GLIS3: variants seen among roughly 807,000 people sequenced by gnomAD.
GLIS3 encodes GLIS family zinc finger 3.
Under a neutral mutation model 78.6 loss-of-function variants are expected in GLIS3, and 53 were observed. That is an observed-to-expected ratio of 0.67 (90% CI 0.54 to 0.85). GLIS3 has a LOEUF of 0.85. GLIS3 is among the 40% of genes least tolerant of loss of function. GLIS3 has a pLI of 0.00. For synonymous variants in GLIS3, 684 were observed against 509.9 expected (o/e 1.34, Z -4.60); for missense variants, 1,703 against 1,231.1 (o/e 1.38, Z -5.74).
At chr9:4,384,552 T>C in the GLIS3 span, among the ~76,000 whole-genome samples, 3 of 149,788 alleles carry the variant, frequency 2.0e-5, no homozygotes, top group African/African-American at 4.9e-5. Context: ...TTATATAATA[T>C]ATATAAAACC....
the GLIS3 span, among the ~76,000 whole-genome samples, chr9:4,406,384 G>C: frequency 3.3e-5 from 5 of 152,240 alleles, no homozygotes; most frequent in Admixed American, 6.5e-5. Context: ...GCAATTGTGC[G>C]ATCTTGGCTT....
chr9:4,406,377 A>G, the GLIS3 span, among the ~76,000 whole-genome samples: 25,936 of 152,046 alleles, frequency 0.17, 2,417 homozygotes, highest in Middle Eastern at 0.22. Flanking sequence ...CTGGAGTGCA[A>G]TTGTGCGATC....
chr9:4,471,765 T>G, the GLIS3 span, among the ~76,000 whole-genome samples: 1 of 152,116 alleles, frequency 6.6e-6, no homozygotes, highest in African/African-American at 2.4e-5. Flanking sequence ...TGGGATCTAA[T>G]TAAACTAAAG....
At chr9:3,956,171 T>C (rs1817099563) in intron 4 of GLIS3, among the ~76,000 whole-genome samples, 1 of 152,052 alleles carries the variant, frequency 6.6e-6, no homozygotes, top group Non-Finnish European at 1.5e-5. Flanking sequence ...CATTCTTTAG[T>C]GTACCAGTTG....
the GLIS3 span, among the ~76,000 whole-genome samples, chr9:4,384,936 AT>A: frequency 0.03 from 4,508 of 152,214 alleles, 214 homozygotes; most frequent in African/African-American, 0.1. Flanking sequence ...CATTGTAACG[AT>A]TTTCAACTCA....
chr9:4,051,182 G>C (rs1192607937), intron 4 of GLIS3, among the ~76,000 whole-genome samples: 1 of 152,160 alleles, frequency 6.6e-6, no homozygotes, highest in African/African-American at 2.4e-5. Flanking sequence ...AGCAGACTAA[G>C]CCTCTCTTCT....
At chr9:4,434,888 G>C in the GLIS3 span, among the ~76,000 whole-genome samples, 1 of 152,210 alleles carries the variant, frequency 6.6e-6, no homozygotes, top group Admixed American at 6.5e-5. Flanking sequence ...GTGCTAGAGA[G>C]AGAAATTCAA....
the GLIS3 span, among the ~76,000 whole-genome samples, chr9:4,398,089 A>G: frequency 6.6e-6 from 1 of 152,072 alleles, no homozygotes; most frequent in African/African-American, 2.4e-5. Flanking sequence ...ATCTTCAGTT[A>G]CTATTTCAAT....
intron 9 of GLIS3, among the ~76,000 whole-genome samples, chr9:3,837,062 G>C (rs923697718): frequency 3.9e-5 from 6 of 152,154 alleles, no homozygotes; most frequent in Non-Finnish European, 8.8e-5. Flanking sequence ...CACAGAATAA[G>C]GATATTGTTG....
At chr9:4,486,414 G>C in the GLIS3 span, among the ~76,000 whole-genome samples, 1 of 152,108 alleles carries the variant, frequency 6.6e-6, no homozygotes, top group African/African-American at 2.4e-5. Flanking sequence ...ATTAATCTCT[G>C]TTCAGAGATC....
intron 9 of GLIS3, among the ~76,000 whole-genome samples, chr9:3,832,959 T>C (rs987882085): frequency 5.3e-5 from 8 of 152,222 alleles, no homozygotes; most frequent in Non-Finnish European, 1.0e-4. Context: ...TCTTCTCTCA[T>C]TTTACTAAGA....
chr9:4,474,740 A>C, the GLIS3 span, among the ~76,000 whole-genome samples: 1 of 143,274 alleles, frequency 7.0e-6, no homozygotes. Flanking sequence ...TCTGTCACCC[A>C]GGCTGGAGTG....
intron 2 of GLIS3, among the ~76,000 whole-genome samples, chr9:4,198,506 A>G (rs1464862410): frequency 1.3e-5 from 2 of 152,184 alleles, no homozygotes; most frequent in Non-Finnish European, 2.9e-5. Flanking sequence ...ACACAAAACT[A>G]AAGAAAAAAA....
chr9:4,316,278 A>C (rs1587381750), intron 2 of GLIS3, among the ~76,000 whole-genome samples: 1 of 152,216 alleles, frequency 6.6e-6, no homozygotes, highest in Admixed American at 6.5e-5. Flanking sequence ...CTGCTCACAT[A>C]ACCCCTTCAC....
In GLIS3 at chr9:4,091,933, T is replaced by TA. The variant is rs201513476; in HGVS notation, c.1710+25834dup. Reference sequence around the variant, plus strand: ...TACAGTAAAAATACCATATAAAAGATAAAAAAAAATGATACACTTGTATAG... The same window carrying TA: ...TACAGTAAAAATACCATATAAAAGATAAAAAAAAAATGATACACTTGTATAG... On this transcript the variant is annotated intron_variant, in intron 4 of 10. Coordinates refer to ENST00000381971, the MANE Select transcript of GLIS3 (RefSeq NM_001042413.2). 5.1e-3 allele frequency among the ~76,000 whole-genome samples: 763 copies of TA among 150,938 alleles called. 8 individuals are homozygous for TA. Among genetic ancestry groups the TA allele is most frequent in the African/African-American group, 0.013 (538 of 41,154 alleles).
rs1266542208 is a variant in GLIS3, at chr9:3,898,989, T to A, written c.1984-154A>T. 1.2e-5 allele frequency: 11 copies of A among 880,356 alleles called. No individual in the cohort carries two copies. The South Asian group carries it at 1.5e-4, about 12-fold the overall frequency. The allele number at this position is 880,356 out of a possible 1,614,324, so 54.5% of individuals were successfully genotyped here. On this transcript the variant is annotated intron_variant, in intron 6 of 10. Transcript: ENST00000381971. ...GGCACAGAGCTTAACAGAGTGTCAATAAAAGGATCAGTTCTCCAATCCTAA... is the reference window on the plus strand; with the variant it reads ...GGCACAGAGCTTAACAGAGTGTCAAAAAAAGGATCAGTTCTCCAATCCTAA...
Position 3,966,857 on chromosome 9 carries a change from A to C in GLIS3, c.1711-29668T>G, listed in dbSNP as rs192553268. Among the ~76,000 whole-genome samples, 994 of 152,062 alleles carry C rather than the reference A, an allele frequency of 6.5e-3. 13 individuals carry two copies. The highest frequency in any genetic ancestry group is 0.023 in the African/African-American group (953 of 41,494). ...CACCACAAAATCCACCCAATATAAA[A>C]GTGAAATTCAATGATTTTTTAGTAA... On this transcript the variant is annotated intron_variant, in intron 4 of 10. Coordinates refer to ENST00000381971, the MANE Select transcript of GLIS3 (RefSeq NM_001042413.2).
chr9:4,452,167 G>T, the GLIS3 span, among the ~76,000 whole-genome samples: 8 of 152,002 alleles, frequency 5.3e-5, no homozygotes, highest in African/African-American at 1.9e-4. Context: ...TTGATGGAAC[G>T]TATCTCAAAA....
chr9:4,127,869 CTAA>C (rs1480356010), intron 2 of GLIS3, among the ~76,000 whole-genome samples: 4 of 152,194 alleles, frequency 2.6e-5, no homozygotes, highest in Admixed American at 6.5e-5. Context: ...CTATCTACCT[CTAA>C]AACAAAGATA....
Sources: gnomAD v4.1 joint callset for allele counts (sites outside exome capture counted in the v4.1 genomes callset) on GRCh38, gnomAD v4.1.1 for gene constraint, MANE v1.5 for transcripts, NCBI Gene and HGNC (gene_info 2026-07-23, HGNC 2026-07-21) for gene names.